The following CLMN variants were observed in gnomAD, a reference collection of about 807,000 sequenced individuals.
The protein encoded by CLMN is calmin (calponin-like, transmembrane).
A neutral mutation model predicts 92.7 loss-of-function variants in CLMN; 57 were observed. The observed-to-expected ratio is 0.61, with a 90% CI of 0.50 to 0.77. The LOEUF is 0.77. CLMN is among the 30% of genes least tolerant of loss of function. The pLI is 0.00. For synonymous variants in CLMN, 466 were observed against 470.6 expected, an observed-to-expected ratio of 0.99 and a Z score of 0.13; for missense variants, 1,158 against 1,237.5, an observed-to-expected ratio of 0.94 and a Z score of 0.96.
At chr14:95,298,011 C>T (rs1900883415) in intron 1 of CLMN, among the ~76,000 whole-genome samples, 1 of 152,158 alleles carries the variant, frequency 6.6e-6, no homozygotes, top group Admixed American at 6.5e-5. Flanking sequence ...GCAGCTGTAC[C>T]ACTTTGCATT....
chr14:95,311,719 G>A (rs1486334943), intron 1 of CLMN, among the ~76,000 whole-genome samples: 1 of 152,098 alleles, frequency 6.6e-6, no homozygotes, highest in East Asian at 1.9e-4. Context: ...GTCCTGCTGA[G>A]GAGCTTGCTG....
At chr14:95,211,157 G>C (rs1210779157) in intron 6 of CLMN, among the ~76,000 whole-genome samples, 1 of 152,220 alleles carries the variant, frequency 6.6e-6, no homozygotes, top group African/African-American at 2.4e-5. Flanking sequence ...CAACTGTATA[G>C]ACCATTCCTT....
intron 1 of CLMN, among the ~76,000 whole-genome samples, chr14:95,286,999 G>GT (rs1900369440): frequency 6.6e-6 from 1 of 152,200 alleles, no homozygotes. Flanking sequence ...GATGCCACAC[G>GT]TGAGCTGCCT....
intron 1 of CLMN, among the ~76,000 whole-genome samples, chr14:95,258,437 G>T (rs1264262239): frequency 6.6e-6 from 1 of 150,800 alleles, no homozygotes; most frequent in Non-Finnish European, 1.5e-5. Flanking sequence ...GTTTGTATGT[G>T]TGGTGTGGTT....
chr14:95,264,285 T>G (rs1899379615), intron 1 of CLMN, among the ~76,000 whole-genome samples: 1 of 152,158 alleles, frequency 6.6e-6, no homozygotes, highest in Non-Finnish European at 1.5e-5. Context: ...TCTGCCTGCC[T>G]TGGCCTCCCA....
chr14:95,215,873 G>T (rs1595579143), intron 4 of CLMN, 140 bp from the exon 5 acceptor site: 1 of 671,602 alleles, frequency 1.5e-6, no homozygotes. Context: ...GCATGAGCCT[G>T]TTTTTCTTAC....
intron 9 of CLMN, 68 bp from the exon 10 acceptor site, chr14:95,196,762 CA>C (rs1896727846): frequency 6.7e-7 from 1 of 1,490,968 alleles, no homozygotes. Context: ...TGACATCACC[CA>C]GCAGTGCTCT....
At position 95,186,486 on chromosome 14, in the gene CLMN, C is replaced by G. The variant is rs1200172977; in HGVS notation, c.*5078G>C. 3 of 152,258 alleles carry G rather than the reference C, an allele frequency of 2.0e-5. No individual in the cohort carries two copies. The highest frequency in any genetic ancestry group is 4.4e-5 in the Non-Finnish European group (3 of 68,052). 9.4% of individuals were successfully genotyped at this position (152,258 alleles called of 1,614,324 possible). A position where few individuals can be genotyped will look rare whatever the true frequency, so the allele number is the denominator to read the frequency against. Reference sequence around the variant, plus strand: ...CCTGATCATCAACTATGGCAAGATACAAACTTCGACGAGGCAATGTTGGCC... The same window carrying G: ...CCTGATCATCAACTATGGCAAGATAGAAACTTCGACGAGGCAATGTTGGCC... On this transcript the variant is annotated 3_prime_UTR_variant, in exon 13 of 13. Coordinates refer to ENST00000298912, the MANE Select transcript of CLMN (RefSeq NM_024734.4).
intron 1 of CLMN, among the ~76,000 whole-genome samples, chr14:95,274,957 C>T (rs1046555534): frequency 2.8e-5 from 4 of 141,800 alleles, no homozygotes; most frequent in Admixed American, 7.5e-5. Context: ...TCCAGCCTGA[C>T]GACAGGGCAA....
At chr14:95,247,942 G>A (rs1385878891) in intron 1 of CLMN, among the ~76,000 whole-genome samples, 2 of 152,234 alleles carry the variant, frequency 1.3e-5, no homozygotes, top group East Asian at 3.9e-4. Flanking sequence ...ATGCAAAAGA[G>A]AGACCTGTTC....
intron 2 of CLMN, among the ~76,000 whole-genome samples, chr14:95,228,437 G>A (rs1897779346): frequency 6.6e-6 from 1 of 152,228 alleles, no homozygotes; most frequent in Admixed American, 6.5e-5. Context: ...GCTCCTGGGT[G>A]AAGTGGTGGC....
At chr14:95,274,540 G>A (rs1264515676) in intron 1 of CLMN, among the ~76,000 whole-genome samples, 4 of 152,120 alleles carry the variant, frequency 2.6e-5, no homozygotes, top group Admixed American at 2.6e-4. Context: ...CTGGCACCTG[G>A]CCCTGGTCGC....
intron 2 of CLMN, among the ~76,000 whole-genome samples, chr14:95,225,701 C>A (rs1897689416): frequency 6.6e-6 from 1 of 152,190 alleles, no homozygotes; most frequent in Non-Finnish European, 1.5e-5. Flanking sequence ...GTAACAGAAG[C>A]CCCAGCCTCA....
At chr14:95,246,123 A>C (rs1898561773) in intron 1 of CLMN, among the ~76,000 whole-genome samples, 1 of 152,192 alleles carries the variant, frequency 6.6e-6, no homozygotes, top group Non-Finnish European at 1.5e-5. Flanking sequence ...GCAATAGCAC[A>C]CAACTCACAA....
chr14:95,248,120 AAAAGAGG>A (rs1898644526), intron 1 of CLMN, among the ~76,000 whole-genome samples: 1 of 152,138 alleles, frequency 6.6e-6, no homozygotes, highest in Non-Finnish European at 1.5e-5. Flanking sequence ...TGAAAAAAAA[AAAAGAGG>A]AAAGAGGGGA....
chr14:95,274,022 C>T (rs189937944), intron 1 of CLMN, among the ~76,000 whole-genome samples: 8 of 152,316 alleles, frequency 5.3e-5, no homozygotes, highest in Admixed American at 5.2e-4. Flanking sequence ...AAACAAAGAA[C>T]GGGTCCTTTA....
At chr14:95,229,481 A>C (rs944463336) in intron 2 of CLMN, among the ~76,000 whole-genome samples, 1 of 152,182 alleles carries the variant, frequency 6.6e-6, no homozygotes, top group Non-Finnish European at 1.5e-5. Context: ...GAAGCCATGG[A>C]AAGTTCAGGA....
Position 95,183,830 on chromosome 14 carries a change from G to C in CLMN, c.*7734C>G, listed in dbSNP as rs895020319. The C allele has an allele frequency of 3.3e-5, 5 of 152,184 alleles. No individual in the cohort carries two copies. Among genetic ancestry groups the C allele is most frequent in the African/African-American group, 7.2e-5 (3 of 41,454 alleles). 9.4% of individuals were successfully genotyped at this position (152,184 alleles called of 1,614,324 possible). A position where few individuals can be genotyped will look rare whatever the true frequency, so the allele number is the denominator to read the frequency against. ...CCAGTTCTGCTACTTACTAGTTCACGCTATGACCTTATTTTTCTGTCCTGT... is the reference window on the plus strand; with the variant it reads ...CCAGTTCTGCTACTTACTAGTTCACCCTATGACCTTATTTTTCTGTCCTGT... On this transcript the variant is annotated 3_prime_UTR_variant, in exon 13 of 13. Coordinates refer to ENST00000298912, the MANE Select transcript of CLMN (RefSeq NM_024734.4).
At chr14:95,257,833 G>A (rs1454330274) in intron 1 of CLMN, among the ~76,000 whole-genome samples, 2 of 152,200 alleles carry the variant, frequency 1.3e-5, no homozygotes, top group Non-Finnish European at 2.9e-5. Flanking sequence ...TGAGAGATTT[G>A]GACTCAGGAC....
Sources: allele counts gnomAD v4.1 joint callset (sites outside exome capture counted in the v4.1 genomes callset), GRCh38; gene constraint gnomAD v4.1.1; transcripts MANE v1.5; gene names NCBI Gene and HGNC (gene_info 2026-07-23, HGNC 2026-07-21).